The following GRID2 variants were observed in gnomAD, a reference collection of about 807,000 sequenced individuals.
GRID2 encodes glutamate ionotropic receptor delta type subunit 2, also known as glutamate receptor ionotropic, delta-2.
Under a neutral mutation model 114.8 loss-of-function variants are expected in GRID2, and 33 were observed. That is an observed-to-expected ratio of 0.29 (90% confidence interval 0.22 to 0.38). GRID2 has a LOEUF of 0.38. Ranked by LOEUF, GRID2 falls within the 10% of genes least tolerant of loss-of-function variation. The probability of loss-of-function intolerance (pLI) is 1.00; values close to 1 mark genes in which losing one functional copy is unlikely to be tolerated. For synonymous variants in GRID2, 505 were observed against 449.9 expected (o/e 1.12, Z -1.55); for missense variants, 1,184 against 1,257.7 (o/e 0.94, Z 0.89).
chr4:93,067,657 A>G (rs1199676677), intron 2 of GRID2, among the ~76,000 whole-genome samples: 1 of 152,058 alleles, frequency 6.6e-6, no homozygotes, highest in Non-Finnish European at 1.5e-5. Flanking sequence ...AGCTCAAGCT[A>G]AGATCAAGAA....
At chr4:92,307,855 A>AT (rs1200559683) in intron 1 of GRID2, among the ~76,000 whole-genome samples, 1 of 152,190 alleles carries the variant, frequency 6.6e-6, no homozygotes, top group African/African-American at 2.4e-5. Flanking sequence ...CTTTTGACAT[A>AT]TAAAAACTAT....
chr4:93,498,998 A>C (rs1727838959), intron 12 of GRID2, among the ~76,000 whole-genome samples: 1 of 151,786 alleles, frequency 6.6e-6, no homozygotes, highest in South Asian at 2.1e-4. Flanking sequence ...TAGGTGTTGG[A>C]TTTTGACAAA....
chr4:92,805,402 C>T (rs1740361909), intron 2 of GRID2, among the ~76,000 whole-genome samples: 1 of 151,970 alleles, frequency 6.6e-6, no homozygotes, highest in African/African-American at 2.4e-5. Context: ...TGGTCAAATA[C>T]ATTTGGGAAA....
At chr4:92,666,180 CA>C (rs1433308489) in intron 2 of GRID2, among the ~76,000 whole-genome samples, 1 of 151,472 alleles carries the variant, frequency 6.6e-6, no homozygotes, top group East Asian at 1.9e-4. Context: ...TCTGCCTATT[CA>C]AAACTACCTT....
intron 14 of GRID2, among the ~76,000 whole-genome samples, chr4:93,647,648 C>T (rs960802581): frequency 2.7e-4 from 41 of 150,800 alleles, no homozygotes; most frequent in Admixed American, 2.7e-3. Flanking sequence ...CTTCTTAGGT[C>T]ACAGGTTTAC....
intron 3 of GRID2, among the ~76,000 whole-genome samples, chr4:93,100,802 A>AAAACTT: frequency 1.3e-5 from 2 of 152,204 alleles, no homozygotes; most frequent in South Asian, 4.1e-4. Flanking sequence ...ATAAGACACA[A>AAAACTT]AAACTTAGTG....
intron 11 of GRID2, among the ~76,000 whole-genome samples, chr4:93,483,450 G>A (rs1357349896): frequency 4.6e-5 from 7 of 151,934 alleles, no homozygotes; most frequent in South Asian, 4.1e-4. Flanking sequence ...TGTTGTGAGT[G>A]TTTAAACCTA....
At chr4:92,474,269 T>G (rs146465469) in intron 1 of GRID2, among the ~76,000 whole-genome samples, 8 of 152,186 alleles carry the variant, frequency 5.3e-5, no homozygotes, top group East Asian at 3.9e-4. Flanking sequence ...TCATGCAATA[T>G]TTTTATCTTT....
At chr4:93,460,260 C>T (rs1329666077) in intron 11 of GRID2, among the ~76,000 whole-genome samples, 1 of 152,176 alleles carries the variant, frequency 6.6e-6, no homozygotes, top group Non-Finnish European at 1.5e-5. Context: ...TCCTGTCCAA[C>T]ACTCAGTTCT....
chr4:93,581,062 A>G (rs770372823), intron 13 of GRID2, among the ~76,000 whole-genome samples: 3 of 152,018 alleles, frequency 2.0e-5, no homozygotes, highest in East Asian at 3.9e-4. Context: ...CATCATCTGC[A>G]TTAGGTATTT....
intron 6 of GRID2, 133 bp from the exon 7 acceptor site, chr4:93,224,481 A>G (rs1579341223): frequency 3.6e-6 from 2 of 554,118 alleles, no homozygotes; most frequent in African/African-American, 1.9e-5. Flanking sequence ...GACAAAAGAA[A>G]CCTTCTGCTT....
chr4:92,933,261 A>C, intron 2 of GRID2, among the ~76,000 whole-genome samples: 1 of 151,230 alleles, frequency 6.6e-6, no homozygotes, highest in Non-Finnish European at 1.5e-5. Context: ...TCAGTTGCAA[A>C]TCTGACTTAC....
intron 8 of GRID2, among the ~76,000 whole-genome samples, chr4:93,270,870 C>T (rs1428836922): frequency 6.6e-6 from 1 of 152,092 alleles, no homozygotes; most frequent in Admixed American, 6.6e-5. Flanking sequence ...CTCAGGTGAT[C>T]CACCCACTTC....
chr4:92,659,761 G>A (rs1277898260), intron 2 of GRID2, among the ~76,000 whole-genome samples: 2 of 151,208 alleles, frequency 1.3e-5, no homozygotes, highest in Admixed American at 1.3e-4. Flanking sequence ...ATGCTCTCTG[G>A]TACCCCACAT....
intron 3 of GRID2, among the ~76,000 whole-genome samples, chr4:93,106,433 G>A (rs563445841): frequency 5.3e-5 from 8 of 152,126 alleles, no homozygotes; most frequent in Admixed American, 1.3e-4. Context: ...TGCAACCTCC[G>A]CCTCCTGGGT....
At chr4:92,446,559 G>A (rs1406241994) in intron 1 of GRID2, among the ~76,000 whole-genome samples, 1 of 152,180 alleles carries the variant, frequency 6.6e-6, no homozygotes. Context: ...AAAGTTCTCT[G>A]ATATGGGAGA....
At chr4:92,511,571 A>G (rs1434933017) in intron 1 of GRID2, among the ~76,000 whole-genome samples, 1 of 151,900 alleles carries the variant, frequency 6.6e-6, no homozygotes, top group Non-Finnish European at 1.5e-5. Flanking sequence ...ACCAAGTGAC[A>G]TTTCAAGTAT....
chr4:93,711,835 G>A (rs1020768203), intron 14 of GRID2, among the ~76,000 whole-genome samples: 8 of 152,106 alleles, frequency 5.3e-5, no homozygotes, highest in African/African-American at 9.7e-5. Flanking sequence ...CTCTTTCCTC[G>A]ATACAATGTT....
chr4:92,668,304 CT>C (rs1414042633), intron 2 of GRID2, among the ~76,000 whole-genome samples: 1 of 151,590 alleles, frequency 6.6e-6, no homozygotes, highest in Non-Finnish European at 1.5e-5. Flanking sequence ...CAATCTTTTC[CT>C]ATAATCATAG....
Sources: gnomAD v4.1 joint callset for allele counts (sites outside exome capture counted in the v4.1 genomes callset) on GRCh38, gnomAD v4.1.1 for gene constraint, MANE v1.5 for transcripts, NCBI Gene and HGNC (gene_info 2026-07-23, HGNC 2026-07-21) for gene names.